LRRC37A2: variants seen among roughly 807,000 people sequenced by gnomAD.
LRRC37A2 encodes leucine-rich repeat-containing protein 37A2.
A neutral mutation model predicts 68.8 loss-of-function variants in LRRC37A2; 9 were observed. That is an observed-to-expected ratio of 0.13 (90% confidence interval 0.08 to 0.23). The LOEUF is 0.23. Among genes scored for constraint, LRRC37A2 ranks in the 10% least tolerant of loss-of-function variants. LRRC37A2 has a pLI of 1.00. For missense variants in LRRC37A2, 168 were observed against 950.4 expected (o/e 0.18, Z 10.82); for synonymous variants, 63 against 367.6 (o/e 0.17, Z 9.48).
the LRRC37A2 span, among the ~76,000 whole-genome samples, chr17:46,678,487 AAG>A: frequency 1.6e-3 from 234 of 145,712 alleles, no homozygotes; most frequent in Admixed American, 1.7e-3. Flanking sequence ...AAGAGAGAGT[AAG>A]AGAGAGAGAG....
At chr17:46,749,665 C>T in the LRRC37A2 span, 1 of 1,049,102 alleles carries the variant, frequency 9.5e-7, no homozygotes, top group Non-Finnish European at 1.3e-6. Flanking sequence ...TAATCATTTG[C>T]ATCGGCAAGA....
At chr17:46,971,268 C>T in the LRRC37A2 span, among the ~76,000 whole-genome samples, 2 of 152,096 alleles carry the variant, frequency 1.3e-5, no homozygotes, top group Non-Finnish European at 2.9e-5. Context: ...ACTTGGGAGG[C>T]AGAGGTTGCA....
At chr17:46,768,289 C>G in the LRRC37A2 span, 14 of 1,612,670 alleles carry the variant, frequency 8.7e-6, no homozygotes, top group Non-Finnish European at 1.2e-5. This position sits in a 1 kb window ranked among gnomAD's most constrained non-coding sequence, Gnocchi z 5.0. Context: ...TCCCAGCCTC[C>G]CCCCTGCTTC....
chr17:46,955,279 G>A, the LRRC37A2 span, among the ~76,000 whole-genome samples: 1 of 151,896 alleles, frequency 6.6e-6, no homozygotes, highest in Non-Finnish European at 1.5e-5. Flanking sequence ...ATAATCATGT[G>A]GTTTTTGTCT....
the LRRC37A2 span, chr17:46,929,620 CT>C: frequency 9.7e-7 from 1 of 1,032,450 alleles, no homozygotes; most frequent in South Asian, 1.3e-5. Flanking sequence ...AGTCCTTTCT[CT>C]GATGACAGGG....
the LRRC37A2 span, among the ~76,000 whole-genome samples, chr17:46,749,487 G>A: frequency 6.6e-6 from 1 of 152,064 alleles, no homozygotes; most frequent in Non-Finnish European, 1.5e-5. Context: ...ATACATACAC[G>A]TCAGTATCTT....
At chr17:46,467,113 C>G in the LRRC37A2 span, among the ~76,000 whole-genome samples, 1 of 62,718 alleles carries the variant, frequency 1.6e-5, no homozygotes, top group Admixed American at 1.5e-4. Flanking sequence ...CCTTTCAGGA[C>G]ATAGGCATGG....
the LRRC37A2 span, among the ~76,000 whole-genome samples, chr17:46,387,772 T>C: frequency 0.053 from 2 of 38 alleles, 1 homozygote; most frequent in African/African-American, 0.17. Flanking sequence ...TGCTTGAACC[T>C]GGGAGGTGGA....
At chr17:46,729,456 C>T in the LRRC37A2 span, among the ~76,000 whole-genome samples, 5 of 151,992 alleles carry the variant, frequency 3.3e-5, no homozygotes, top group Middle Eastern at 3.2e-3. Context: ...GATCTTGATT[C>T]CTGTGTTTGC....
At chr17:46,573,091 A>C in the LRRC37A2 span, among the ~76,000 whole-genome samples, 4 of 71,066 alleles carry the variant, frequency 5.6e-5, no homozygotes, top group Non-Finnish European at 9.9e-5. Flanking sequence ...GACTGTCAAG[A>C]CCCAAGCAAG....
chr17:46,899,050 G>T, the LRRC37A2 span, among the ~76,000 whole-genome samples: 599 of 152,222 alleles, frequency 3.9e-3, 4 homozygotes, highest in Non-Finnish European at 5.3e-3. Context: ...ACAAATTGTG[G>T]TATATCCATA....
At chr17:46,895,055 G>A in the LRRC37A2 span, among the ~76,000 whole-genome samples, 1 of 152,200 alleles carries the variant, frequency 6.6e-6, no homozygotes, top group Non-Finnish European at 1.5e-5. Flanking sequence ...AGACAGGCTG[G>A]ATCCCACCTT....
At chr17:46,751,335 T>C in the LRRC37A2 span, among the ~76,000 whole-genome samples, 2 of 152,188 alleles carry the variant, frequency 1.3e-5, no homozygotes, top group African/African-American at 4.8e-5. Flanking sequence ...TTGCACCTAA[T>C]GGGTTTAGGA....
the LRRC37A2 span, chr17:46,937,100 T>C: frequency 6.6e-6 from 1 of 152,442 alleles, no homozygotes; most frequent in South Asian, 2.1e-4. Flanking sequence ...AAATTGAATG[T>C]GCTTTAAGCT....
chr17:46,824,488 G>T, the LRRC37A2 span, among the ~76,000 whole-genome samples: 64 of 152,272 alleles, frequency 4.2e-4, no homozygotes, highest in South Asian at 0.013. Context: ...ACCTCAGGTG[G>T]TACGCCCGCC....
chr17:46,773,350 T>C, the LRRC37A2 span, among the ~76,000 whole-genome samples: 1 of 152,070 alleles, frequency 6.6e-6, no homozygotes, highest in African/African-American at 2.4e-5. Flanking sequence ...GGTATTTGCA[T>C]AGCACTTAAC....
the LRRC37A2 span, among the ~76,000 whole-genome samples, chr17:46,603,701 A>AT: frequency 1.1e-4 from 1 of 8,780 alleles, no homozygotes; most frequent in African/African-American, 1.9e-4. Flanking sequence ...ATTCTAGATA[A>AT]TTTTTTTTTG....
chr17:46,932,588 T>C, the LRRC37A2 span: 1 of 448,530 alleles, frequency 2.2e-6, no homozygotes, highest in Non-Finnish European at 4.0e-6. Context: ...GCAGTTGCCA[T>C]TGTGCCGAGT....
the LRRC37A2 span, chr17:46,978,475 A>G: frequency 1.4e-6 from 1 of 712,532 alleles, no homozygotes; most frequent in South Asian, 2.0e-5. Flanking sequence ...CCGGGCGTCC[A>G]AGTCCCTTCC....
Sources: allele counts gnomAD v4.1 joint callset (sites outside exome capture counted in the v4.1 genomes callset), GRCh38; gene constraint gnomAD v4.1.1; non-coding constraint Gnocchi (gnomAD v3.1); transcripts MANE v1.5; gene names NCBI Gene and HGNC (gene_info 2026-07-23, HGNC 2026-07-21).